CAMKMT: variants seen among roughly 807,000 people sequenced by gnomAD.
CAMKMT encodes the protein calmodulin-lysine N-methyltransferase, also known as CaM KMT.
In CAMKMT, 53 loss-of-function variants were observed where a neutral mutation model predicts 48.0. The ratio of observed to expected loss-of-function variants is 1.10; its 90% CI spans 0.89 to 1.39. The LOEUF (loss-of-function observed/expected upper bound fraction) is 1.39, where lower values mean the gene tolerates loss of function less well. CAMKMT is among the 40% of genes most tolerant of loss of function. CAMKMT has a pLI of 0.00. For missense variants in CAMKMT, 428 were observed against 402.7 expected (o/e 1.06, Z -0.54); for synonymous variants, 165 against 152.3 (o/e 1.08, Z -0.61).
At chr2:44,739,261 G>A (rs1679531325) in intron 7 of CAMKMT, among the ~76,000 whole-genome samples, 1 of 152,208 alleles carries the variant, frequency 6.6e-6, no homozygotes, top group Non-Finnish European at 1.5e-5. Flanking sequence ...ATTCAGATGA[G>A]AGATGATAGT....
At chr2:44,650,922 C>A (rs1183382230) in intron 3 of CAMKMT, among the ~76,000 whole-genome samples, 1 of 151,442 alleles carries the variant, frequency 6.6e-6, no homozygotes, top group Admixed American at 6.6e-5. Context: ...TAGACATGAA[C>A]AATTCATACA....
At chr2:44,699,282 A>T (rs981438440) in intron 3 of CAMKMT, among the ~76,000 whole-genome samples, 2 of 152,166 alleles carry the variant, frequency 1.3e-5, no homozygotes, top group Admixed American at 1.3e-4. Context: ...TATGAAATGT[A>T]TTTCTGAAAT....
chr2:44,513,918 T>C (rs749623835), intron 3 of CAMKMT, among the ~76,000 whole-genome samples: 2 of 151,772 alleles, frequency 1.3e-5, no homozygotes, highest in Non-Finnish European at 2.9e-5. Context: ...CTGGGCAACA[T>C]GATGAAACCC....
chr2:44,534,136 T>C (rs1185675384), intron 3 of CAMKMT, among the ~76,000 whole-genome samples: 1 of 152,176 alleles, frequency 6.6e-6, no homozygotes. Context: ...AGAAAAGTTA[T>C]ATAATGACAA....
chr2:44,469,011 G>A lies in CAMKMT; in HGVS notation c.376+78706G>A, dbSNP rs116387209. 2.3e-3 allele frequency among the ~76,000 whole-genome samples: 357 copies of A among 152,252 alleles called. 3 individuals are homozygous for A. The highest frequency in any genetic ancestry group is 8.2e-3 in the African/African-American group (341 of 41,566). On this transcript the variant is annotated intron_variant, in intron 3 of 10. Transcript: ENST00000378494. ...AAAATGTTGATCTCATGGAAGTAGGGAATGGAAGGCTAGGAAGAGTAGGGT... is the reference window on the plus strand; with the variant it reads ...AAAATGTTGATCTCATGGAAGTAGGAAATGGAAGGCTAGGAAGAGTAGGGT...
intron 3 of CAMKMT, among the ~76,000 whole-genome samples, chr2:44,654,769 C>A (rs1175888295): frequency 6.6e-6 from 1 of 152,196 alleles, no homozygotes; most frequent in African/African-American, 2.4e-5. Flanking sequence ...CCTGCTTCGG[C>A]CTCCCAAAGT....
chr2:44,467,425 G>A (rs1395375355), intron 3 of CAMKMT, among the ~76,000 whole-genome samples: 3 of 152,116 alleles, frequency 2.0e-5, no homozygotes, highest in Non-Finnish European at 4.4e-5. Context: ...CCAGCTGCTA[G>A]GGAGGATGAG....
chr2:44,463,193 A>G (rs1340397648), intron 3 of CAMKMT, among the ~76,000 whole-genome samples: 4 of 152,226 alleles, frequency 2.6e-5, no homozygotes, highest in Non-Finnish European at 5.9e-5. Context: ...ACACCACTTC[A>G]AAACTTAATG....
intron 7 of CAMKMT, among the ~76,000 whole-genome samples, chr2:44,717,103 A>C (rs1007985551): frequency 2.0e-5 from 3 of 152,168 alleles, no homozygotes; most frequent in Non-Finnish European, 4.4e-5. Flanking sequence ...ACATATACCA[A>C]ATGCTTAATA....
intron 3 of CAMKMT, among the ~76,000 whole-genome samples, chr2:44,659,573 A>G (rs995410800): frequency 1.7e-4 from 26 of 151,792 alleles, no homozygotes; most frequent in African/African-American, 5.6e-4. Flanking sequence ...CTACAAAAAA[A>G]AAAAAAAGAA....
At chr2:44,676,084 C>G (rs767276979) in intron 3 of CAMKMT, among the ~76,000 whole-genome samples, 12 of 152,158 alleles carry the variant, frequency 7.9e-5, no homozygotes, top group African/African-American at 2.7e-4. Context: ...TTCAATCATC[C>G]GCATATAAAT....
chr2:44,681,391 G>A (rs999268097), intron 3 of CAMKMT, among the ~76,000 whole-genome samples: 2 of 152,144 alleles, frequency 1.3e-5, no homozygotes, highest in African/African-American at 4.8e-5. Flanking sequence ...TAGGAAGGGG[G>A]AAAAGCCGAG....
intron 3 of CAMKMT, among the ~76,000 whole-genome samples, chr2:44,532,465 C>G (rs974329732): frequency 1.2e-4 from 19 of 152,292 alleles, no homozygotes; most frequent in African/African-American, 4.3e-4. Flanking sequence ...TACATTTAGA[C>G]CTGTGTCACA....
At chr2:44,560,704 T>A (rs1390154406) in intron 3 of CAMKMT, among the ~76,000 whole-genome samples, 1 of 152,260 alleles carries the variant, frequency 6.6e-6, no homozygotes, top group Non-Finnish European at 1.5e-5. Flanking sequence ...TAACCTAATC[T>A]AATTTTATCC....
intron 3 of CAMKMT, among the ~76,000 whole-genome samples, chr2:44,569,303 A>G (rs1668782903): frequency 6.6e-6 from 1 of 152,214 alleles, no homozygotes. Context: ...ATAAATCAAG[A>G]TGCAAATATC....
chr2:44,419,575 G>C (rs1207175796), intron 3 of CAMKMT, among the ~76,000 whole-genome samples: 2 of 152,158 alleles, frequency 1.3e-5, no homozygotes, highest in African/African-American at 4.8e-5. Context: ...CATACATCTT[G>C]ATTTTAACCC....
intron 3 of CAMKMT, among the ~76,000 whole-genome samples, chr2:44,599,826 T>TA (rs35544020): frequency 0.65 from 93,811 of 145,326 alleles, 30,408 homozygotes; most frequent in Admixed American, 0.71. Context: ...TGGCAAGGTT[T>TA]AAAAAAAAAA....
At chr2:44,370,918 C>G (rs1260661009) in intron 1 of CAMKMT, among the ~76,000 whole-genome samples, 1 of 152,212 alleles carries the variant, frequency 6.6e-6, no homozygotes, top group Non-Finnish European at 1.5e-5. Flanking sequence ...TCAAGCAATC[C>G]TCTTGCCTCA....
At chr2:44,535,376 A>C (rs1297099106) in intron 3 of CAMKMT, among the ~76,000 whole-genome samples, 1 of 152,184 alleles carries the variant, frequency 6.6e-6, no homozygotes, top group Non-Finnish European at 1.5e-5. Flanking sequence ...ATACTCCCCG[A>C]CTTGTTCTAT....
Sources: gnomAD v4.1 joint callset for allele counts (sites outside exome capture counted in the v4.1 genomes callset) on GRCh38, gnomAD v4.1.1 for gene constraint, MANE v1.5 for transcripts, NCBI Gene and HGNC (gene_info 2026-07-23, HGNC 2026-07-21) for gene names.